DRAM1: variants seen among roughly 807,000 people sequenced by gnomAD.
DRAM1 encodes DNA damage-regulated autophagy modulator protein 1.
Under a neutral mutation model 28.5 loss-of-function variants are expected in DRAM1, and 25 were observed. The ratio of observed to expected loss-of-function variants is 0.88; its 90% CI spans 0.64 to 1.23. The LOEUF (loss-of-function observed/expected upper bound fraction) is 1.23. DRAM1 is among the 50% of genes most tolerant of loss of function. DRAM1 has a pLI of 0.00. For synonymous variants in DRAM1, 113 were observed against 114.2 expected, an observed-to-expected ratio of 0.99 and a Z score of 0.07; for missense variants, 249 against 299.2, an observed-to-expected ratio of 0.83 and a Z score of 1.24.
intron 2 of DRAM1, 72 bp downstream of exon 2, chr12:101,898,002 A>T: frequency 1.1e-6 from 1 of 883,352 alleles, no homozygotes; most frequent in Non-Finnish European, 1.7e-6. Flanking sequence ...TGTCATTTGT[A>T]GTTTTCATAT....
intron 1 of DRAM1, among the ~76,000 whole-genome samples, chr12:101,893,486 T>C (rs2138257): frequency 0.46 from 69,752 of 151,934 alleles, 16,238 homozygotes; most frequent in East Asian, 0.63. Context: ...CCGCCCCCAA[T>C]CATTCTCCTA....
intron 3 of DRAM1, among the ~76,000 whole-genome samples, chr12:101,904,427 G>GTTTTTTT (rs1873722451): frequency 1.0e-4 from 2 of 19,820 alleles, no homozygotes; most frequent in African/African-American, 4.1e-4. Context: ...AGCTTTAGGG[G>GTTTTTTT]TTTTTTTTTT....
chr12:101,885,826 C>A (rs915957382), intron 1 of DRAM1, among the ~76,000 whole-genome samples: 1 of 152,106 alleles, frequency 6.6e-6, no homozygotes, highest in Non-Finnish European at 1.5e-5. Context: ...CCGCGTCCGG[C>A]CTCCCAGTGG....
At chr12:101,915,808 C>T (rs1230193662) in intron 5 of DRAM1, among the ~76,000 whole-genome samples, 4 of 152,154 alleles carry the variant, frequency 2.6e-5, no homozygotes, top group East Asian at 1.9e-4. Context: ...GATCTGCCCT[C>T]CTTGGCCTCC....
chr12:101,919,088 A>AT (rs1035410181), intron 5 of DRAM1, among the ~76,000 whole-genome samples: 18 of 150,362 alleles, frequency 1.2e-4, no homozygotes, highest in Admixed American at 6.0e-4. Context: ...CACCCAGCTA[A>AT]TTTTTTTTTG....
intron 3 of DRAM1, among the ~76,000 whole-genome samples, chr12:101,904,485 A>G (rs1161129486): frequency 1.8e-5 from 2 of 111,872 alleles, no homozygotes; most frequent in African/African-American, 3.5e-5. Context: ...TCTGTCACCC[A>G]GGCTGGAGTG....
chr12:101,878,163 A>G (rs1239805539), intron 1 of DRAM1, among the ~76,000 whole-genome samples: 1 of 152,170 alleles, frequency 6.6e-6, no homozygotes, highest in Non-Finnish European at 1.5e-5. Flanking sequence ...GAGGTTCAGG[A>G]TAGATGGTAG....
At chr12:101,903,626 A>G (rs1461692313) in intron 3 of DRAM1, among the ~76,000 whole-genome samples, 1 of 152,194 alleles carries the variant, frequency 6.6e-6, no homozygotes, top group Non-Finnish European at 1.5e-5. Flanking sequence ...TGGTGACTAT[A>G]GTTAATAATA....
intron 2 of DRAM1, among the ~76,000 whole-genome samples, chr12:101,900,135 T>C (rs1023473136): frequency 1.3e-5 from 2 of 152,230 alleles, no homozygotes; most frequent in African/African-American, 4.8e-5. Context: ...GGAGGCTACA[T>C]TTTATTGCCA....
chr12:101,879,991 G>GA (rs558852561), intron 1 of DRAM1, among the ~76,000 whole-genome samples: 3,386 of 133,944 alleles, frequency 0.025, 69 homozygotes, highest in African/African-American at 0.066. Context: ...CTCCATCTCA[G>GA]AAAAAAAAAA....
intron 6 of DRAM1, 102 bp downstream of exon 6, chr12:101,920,303 T>C: frequency 2.7e-6 from 1 of 365,138 alleles, no homozygotes; most frequent in Non-Finnish European, 3.9e-6. Context: ...CTTTCTTTTT[T>C]TTTTTTTTTT....
chr12:101,917,538 A>G (rs80223515), intron 5 of DRAM1, among the ~76,000 whole-genome samples: 47 of 142,108 alleles, frequency 3.3e-4, no homozygotes, highest in Admixed American at 3.1e-3. Flanking sequence ...AAAAAAAAAA[A>G]TTTTTGGTGT....
chr12:101,887,002 G>A lies in DRAM1; in HGVS notation c.131+9082G>A, dbSNP rs1054709606. On this transcript the variant is annotated intron_variant, in intron 1 of 6. Transcript: ENST00000258534. ...CTCTATTAAAAATACAAAATTAGCC[G>A]GGCATGGTGGCACACACTTGTAATC... is the stretch of plus-strand genomic sequence containing the variant. 2.6e-5 allele frequency among the ~76,000 whole-genome samples: 4 copies of A among 151,948 alleles called. No homozygotes were observed. In the South Asian group the frequency reaches 6.2e-4, roughly 24 times the overall value.
intron 4 of DRAM1, among the ~76,000 whole-genome samples, chr12:101,912,497 C>G (rs895324684): frequency 4.6e-5 from 7 of 152,138 alleles, no homozygotes; most frequent in African/African-American, 1.4e-4. Context: ...AGAATGGTAC[C>G]TGGTGCACTG....
intron 5 of DRAM1, among the ~76,000 whole-genome samples, chr12:101,915,612 G>A (rs937396776): frequency 2.0e-5 from 3 of 151,148 alleles, no homozygotes; most frequent in Admixed American, 6.6e-5. Context: ...GCGCGATCTC[G>A]GCTCACTGCA....
In DRAM1 at chr12:101,923,339, C is replaced by T. The variant is rs1399425698; in HGVS notation, c.*2079C>T. The T allele has an allele frequency of 2.0e-5, 3 of 152,188 alleles. No homozygotes were observed. The highest frequency in any genetic ancestry group is 4.4e-5 in the Non-Finnish European group (3 of 68,030). 9.4% of individuals were successfully genotyped at this position (152,188 alleles called of 1,614,324 possible). A position where few individuals can be genotyped will look rare whatever the true frequency, so the allele number is the denominator to read the frequency against. ...AGACTTTTGTTCTCGGCGCTCCTCA[C>T]GATGGAGTTTCATGCTTCATTTTCA... On this transcript the variant is annotated 3_prime_UTR_variant, in exon 7 of 7. Transcript: ENST00000258534.
At chr12:101,920,297 C>CTTTTTTTTTTTTTTT (rs373899697) in intron 6 of DRAM1, 96 bp downstream of exon 6, 82 of 277,374 alleles carry the variant, frequency 3.0e-4, no homozygotes, top group African/African-American at 1.9e-3. Flanking sequence ...AGAGCACTTT[C>CTTTTTTTTTTTTTTT]TTTTTTTTTT....
chr12:101,911,252 G>A (rs965649754), intron 4 of DRAM1, among the ~76,000 whole-genome samples: 6 of 152,102 alleles, frequency 3.9e-5, no homozygotes, highest in Admixed American at 6.6e-5. Flanking sequence ...AGAGTTGAAA[G>A]CATCTTTAAA....
At chr12:101,897,286 G>A (rs1472640792) in intron 1 of DRAM1, among the ~76,000 whole-genome samples, 3 of 151,460 alleles carry the variant, frequency 2.0e-5, no homozygotes, top group Non-Finnish European at 2.9e-5. Flanking sequence ...CATAACCTCC[G>A]CCTCCCTGGT....
Sources: allele counts gnomAD v4.1 joint callset (sites outside exome capture counted in the v4.1 genomes callset), GRCh38; gene constraint gnomAD v4.1.1; transcripts MANE v1.5; gene names NCBI Gene and HGNC (gene_info 2026-07-23, HGNC 2026-07-21).